The following DAPK3 variants were observed in gnomAD, a reference collection of about 807,000 sequenced individuals.
DAPK3 encodes death associated protein kinase 3, also known as death-associated protein kinase 3.
Under a neutral mutation model 30.6 loss-of-function variants are expected in DAPK3, and 24 were observed. The observed-to-expected ratio is 0.78, with a 90% CI of 0.57 to 1.10. DAPK3 has a LOEUF of 1.10. Among genes scored for constraint, DAPK3 ranks in the 50% least tolerant of loss-of-function variants. DAPK3 has a pLI of 0.00. For synonymous variants in DAPK3, 341 were observed against 284.0 expected (o/e 1.20, Z -2.02); for missense variants, 629 against 657.3 (o/e 0.96, Z 0.47).
At chr19:3,964,537 C>A (rs999362865) in intron 3 of DAPK3, 94 bp downstream of exon 3, 2 of 1,432,162 alleles carry the variant, frequency 1.4e-6, no homozygotes, top group African/African-American at 2.9e-5. Context: ...CACACCTCAC[C>A]CCCACGCGCA....
rs1462657635 is a variant in DAPK3 at position 3,959,001 on chromosome 19, G to A, written c.*100C>T. 2.6e-6 allele frequency: 2 copies of A among 777,158 alleles called. No homozygotes were observed. Among genetic ancestry groups the A allele is most frequent in the Non-Finnish European group, 3.9e-6 (2 of 506,746 alleles). The allele number at this position is 777,158 out of a possible 1,614,324, so 48.1% of individuals were successfully genotyped here. On this transcript the variant is annotated 3_prime_UTR_variant, in exon 9 of 9. Transcript: ENST00000545797. Reference sequence around the variant, plus strand: ...CCTCCAGCCTGGTGGCGCTGGGCAAGGACAGGCACCCGGGCGATGGGAGGC... The same window carrying A: ...CCTCCAGCCTGGTGGCGCTGGGCAAAGACAGGCACCCGGGCGATGGGAGGC...
chr19:3,961,627 G>A, intron 6 of DAPK3: 1 of 425,734 alleles, frequency 2.3e-6, no homozygotes, highest in Non-Finnish European at 4.9e-6. Context: ...AGACACTGAA[G>A]CCCCGTCTGA....
At position 3,970,072 on chromosome 19, in the gene DAPK3, C is replaced by T. The variant is rs3760894; in HGVS notation, c.-94-243G>A. The T allele has an allele frequency of 4.7e-3, 1,602 of 343,496 alleles. 45 individuals carry two copies. In the East Asian group the frequency reaches 0.07, roughly 15 times the overall value. 21.3% of individuals were successfully genotyped at this position (343,496 alleles called of 1,614,324 possible). ...GGCCACCTTCACCCCGCAAAACTCT[C>T]TCCAGACACATAATTCTGATTTCCC... On this transcript the variant is annotated intron_variant, in intron 1 of 8. Coordinates refer to ENST00000545797, the MANE Select transcript of DAPK3 (RefSeq NM_001348.3).
chr19:3,968,216 G>A (rs1020952922), intron 2 of DAPK3, among the ~76,000 whole-genome samples: 10 of 152,168 alleles, frequency 6.6e-5, no homozygotes, highest in African/African-American at 1.9e-4. Flanking sequence ...TGTTCCCAGC[G>A]GGGTGCGGTG....
chr19:3,967,313 G>A (rs1482084638), intron 2 of DAPK3, among the ~76,000 whole-genome samples: 3 of 152,050 alleles, frequency 2.0e-5, no homozygotes, highest in South Asian at 2.1e-4. Context: ...TTAGCCGGGC[G>A]TGCTGGCAGG....
intron 6 of DAPK3, 121 bp downstream of exon 6, chr19:3,963,520 CCT>C (rs928616715): frequency 1.3e-4 from 74 of 591,554 alleles, no homozygotes; most frequent in Admixed American, 5.8e-4. Context: ...CCCGGTATCC[CCT>C]GAGTACCCGC....
chr19:3,961,357 C>G (rs948758601), intron 6 of DAPK3, 196 bp from the exon 7 acceptor site: 12 of 727,416 alleles, frequency 1.6e-5, no homozygotes, highest in East Asian at 8.0e-5. Context: ...AATCCACCCC[C>G]CCACCCCGCC....
intron 7 of DAPK3, among the ~76,000 whole-genome samples, chr19:3,960,648 G>A (rs533512092): frequency 8.6e-5 from 13 of 151,894 alleles, no homozygotes; most frequent in Non-Finnish European, 1.8e-4. Context: ...GCGTGGTGGC[G>A]GGCGTCTATA....
At chr19:3,969,002 C>A (rs2039607728) in intron 2 of DAPK3, among the ~76,000 whole-genome samples, 3 of 152,338 alleles carry the variant, frequency 2.0e-5, no homozygotes, top group Middle Eastern at 3.4e-3. Flanking sequence ...TGCTTTTTCC[C>A]ACAAGCATGT....
intron 1 of DAPK3, 158 bp from the exon 2 acceptor site, chr19:3,969,987 C>A: frequency 1.9e-6 from 1 of 533,898 alleles, no homozygotes; most frequent in Admixed American, 3.4e-5. Context: ...TGGGCTGGGT[C>A]CTGTCATGTC....
intron 6 of DAPK3, among the ~76,000 whole-genome samples, chr19:3,962,199 C>T (rs1029811478): frequency 1.3e-5 from 2 of 152,176 alleles, no homozygotes; most frequent in African/African-American, 4.8e-5. Context: ...AGGCTAACGT[C>T]TTGGTGTTCA....
Position 3,959,056 on chromosome 19 carries a change from A to G in DAPK3, c.*45T>C, listed in dbSNP as rs917952871. ...CGTCCACAGGAAGCGCCCCCACCGC[A>G]GGCCGAGCTCCGGCTGTCCTGGGGC... On this transcript the variant is annotated 3_prime_UTR_variant, in exon 9 of 9. Coordinates refer to ENST00000545797, the MANE Select transcript of DAPK3 (RefSeq NM_001348.3). 6 of 1,311,398 alleles carry G rather than the reference A, an allele frequency of 4.6e-6. No homozygotes were observed. The highest frequency in any genetic ancestry group is 5.1e-6 in the Non-Finnish European group (5 of 986,772). 81.2% of individuals were successfully genotyped at this position (1,311,398 alleles called of 1,614,324 possible).
intron 5 of DAPK3, 24 bp downstream of exon 5, chr19:3,963,847 G>T: frequency 6.6e-7 from 1 of 1,520,706 alleles, no homozygotes; most frequent in Non-Finnish European, 9.1e-7. Context: ...AGGGAGGCCC[G>T]GTGGGAGCAG....
At chr19:3,967,414 T>C (rs911212343) in intron 2 of DAPK3, among the ~76,000 whole-genome samples, 3 of 150,144 alleles carry the variant, frequency 2.0e-5, no homozygotes, top group East Asian at 2.0e-4. Flanking sequence ...GATTGCGGCA[T>C]TGCACTCCAG....
In DAPK3 at chr19:3,964,856, G is replaced by A. The variant is rs775031752; in HGVS notation, c.198C>T (p.Asn66=). The change falls in exon 3 of 9, where the codon AAC becomes AAT. Residue 66 remains asparagine, a synonymous_variant. Coordinates refer to ENST00000545797, the MANE Select transcript of DAPK3 (RefSeq NM_001348.3). ...TGGGGTGCCGGATCTCCCGCAGGAT[G>A]TTCACCTCCCGCTCGATCTCCTCCC... ...VSREEIEREV[N]ILREIRHPNI... is the part of the protein sequence containing the mutation. 67 of 1,612,814 alleles carry A rather than the reference G, an allele frequency of 4.2e-5. No homozygotes were observed. Among genetic ancestry groups the A allele is most frequent in the Non-Finnish European group, 5.5e-5 (65 of 1,179,064 alleles).
chr19:3,966,454 G>C (rs139021844), intron 2 of DAPK3, among the ~76,000 whole-genome samples: 379 of 152,310 alleles, frequency 2.5e-3, no homozygotes, highest in African/African-American at 8.6e-3. Context: ...CTGAACGCCT[G>C]CTGGGAAGAG....
Position 3,971,020 on chromosome 19 carries a change from A to AC in DAPK3, c.-195dup, listed in dbSNP as rs2039628241. On this transcript the variant is annotated 5_prime_UTR_variant, in exon 1 of 9. Transcript: ENST00000545797. Reference sequence around the variant, plus strand: ...CAGCCTCGGCCCGAGCCCGCTCTTTACCCTCCGCAGCCCGGAGAATACGGC... The same window carrying AC: ...CAGCCTCGGCCCGAGCCCGCTCTTTACCCCTCCGCAGCCCGGAGAATACGGC... 6.6e-6 allele frequency: 1 copy of AC among 151,426 alleles called. No individual in the cohort carries two copies. The highest frequency in any genetic ancestry group is 2.5e-5 in the African/African-American group (1 of 40,782). The allele number at this position is 151,426 out of a possible 1,614,324, so 9.4% of individuals were successfully genotyped here. A position where few individuals can be genotyped will look rare whatever the true frequency, so the allele number is the denominator to read the frequency against.
chr19:3,959,062 A>G lies in DAPK3; in HGVS notation c.*39T>C. 7.3e-7 allele frequency: 1 copy of G among 1,367,602 alleles called. No homozygotes were observed. The highest frequency in any genetic ancestry group is 9.7e-7 in the Non-Finnish European group (1 of 1,035,332). The allele number at this position is 1,367,602 out of a possible 1,614,324, so 84.7% of individuals were successfully genotyped here. ...CAGGAAGCGCCCCCACCGCAGGCCG[A>G]GCTCCGGCTGTCCTGGGGCCTGGCC... On this transcript the variant is annotated 3_prime_UTR_variant, in exon 9 of 9. Transcript: ENST00000545797.
At chr19:3,959,940 C>T (rs1168558535) in intron 8 of DAPK3, 119 bp downstream of exon 8, 1 of 765,008 alleles carries the variant, frequency 1.3e-6, no homozygotes, top group Admixed American at 1.9e-5. Flanking sequence ...CCTCTGGGGA[C>T]CCTCCCCAGC....
Sources: gnomAD v4.1 joint callset for allele counts (sites outside exome capture counted in the v4.1 genomes callset) on GRCh38, gnomAD v4.1.1 for gene constraint, MANE v1.5 for transcripts, NCBI Gene and HGNC (gene_info 2026-07-23, HGNC 2026-07-21) for gene names.